TCF25: variants seen among roughly 807,000 people sequenced by gnomAD.
TCF25 encodes the protein ribosome quality control complex subunit TCF25.
In TCF25, 41 loss-of-function variants were observed where a neutral mutation model predicts 83.1. That is an observed-to-expected ratio of 0.49 (90% CI 0.38 to 0.64). The LOEUF (loss-of-function observed/expected upper bound fraction) is 0.64. Among genes scored for constraint, TCF25 ranks in the 30% least tolerant of loss-of-function variants. The pLI is 0.00. For synonymous variants in TCF25, 458 were observed against 365.0 expected, an observed-to-expected ratio of 1.25 and a Z score of -2.90; for missense variants, 979 against 914.5, an observed-to-expected ratio of 1.07 and a Z score of -0.91.
intron 11 of TCF25, among the ~76,000 whole-genome samples, chr16:89,899,114 C>G (rs774942674): frequency 6.6e-6 from 1 of 152,160 alleles, no homozygotes; most frequent in Non-Finnish European, 1.5e-5. Flanking sequence ...TACACATGCT[C>G]AAACGTGTGT....
intron 1 of TCF25, chr16:89,878,433 C>CTTTT (rs1567692443): frequency 6.5e-5 from 56 of 861,944 alleles, no homozygotes; most frequent in Non-Finnish European, 8.6e-5. Flanking sequence ...TAAAAATCAC[C>CTTTT]ATTTTTTTTT....
intron 2 of TCF25, 114 bp from the exon 3 acceptor site, chr16:89,884,468 G>A (rs936240534): frequency 7.6e-6 from 8 of 1,048,630 alleles, no homozygotes; most frequent in East Asian, 5.1e-5. Flanking sequence ...TTTGGGACAC[G>A]GAGGGAGAGG....
At chr16:89,875,885 G>C (rs1278216837) in intron 1 of TCF25, among the ~76,000 whole-genome samples, 1 of 138,634 alleles carries the variant, frequency 7.2e-6, no homozygotes. Context: ...GCCCAGGCTG[G>C]TTGCTGGTCT....
rs1319913023 is a variant in TCF25 at position 89,892,239 on chromosome 16, A to G, written c.661A>G (p.Thr221Ala). The change falls in exon 6 of 18, where the codon ACC becomes GCC. Residue 221 changes from threonine to alanine, a missense_variant. By Grantham distance (58) the Thr-to-Ala change is moderately conservative. Coordinates refer to ENST00000263346, the MANE Select transcript of TCF25 (RefSeq NM_014972.3). ...GTACCCCAAGTGCACATGGCTGACC[A>G]CCCCTAAAAGCACCTGGCCCCGCTA... ...RVYPKCTWLTTPKSTWPRYSK... is the reference protein window; with the variant it reads ...RVYPKCTWLTAPKSTWPRYSK... The G allele has an allele frequency of 1.2e-6, 2 of 1,612,906 alleles. No individual in the cohort carries two copies. Among genetic ancestry groups the G allele is most frequent in the African/African-American group, 1.3e-5 (1 of 74,946 alleles).
intron 16 of TCF25, among the ~76,000 whole-genome samples, 165 bp downstream of exon 16, chr16:89,907,487 G>GCTCCCACCTCCCTCCTCCCAC (rs1567741821): frequency 1.8e-4 from 2 of 11,204 alleles, no homozygotes; most frequent in Non-Finnish European, 3.7e-4. Flanking sequence ...CCACCTCCCA[G>GCTCCCACCTCCCTCCTCCCAC]CTCCCACCTC....
At chr16:89,881,817 T>TCTC (rs2042629336) in intron 1 of TCF25, among the ~76,000 whole-genome samples, 1 of 152,122 alleles carries the variant, frequency 6.6e-6, no homozygotes, top group Non-Finnish European at 1.5e-5. Context: ...TGCAGTGGCA[T>TCTC]AATCTTGGCT....
chr16:89,891,629 C>G (rs559920649), intron 5 of TCF25, among the ~76,000 whole-genome samples: 39 of 152,322 alleles, frequency 2.6e-4, no homozygotes, highest in African/African-American at 8.9e-4. Context: ...CTGAGCTGGG[C>G]AGGTGGGGCA....
rs2044251680 is a variant in TCF25, at chr16:89,900,692, T to G, written c.1279T>G (p.Phe427Val). The change falls in exon 12 of 18, where the codon TTC becomes GTC. Residue 427 changes from phenylalanine to valine, a missense_variant. Coordinates refer to ENST00000263346, the MANE Select transcript of TCF25 (RefSeq NM_014972.3). Reference protein sequence around the residue: ...NFAFSVPLAYFLLSQQTDLPE... With the variant: ...NFAFSVPLAYVLLSQQTDLPE... The stretch of plus-strand genomic sequence containing the variant: ...TGCCTTCTCTGTTCCACTGGCGTAT[T>G]TCCTGCTGAGCCAGCAGACAGACCT... 1.9e-6 allele frequency: 3 copies of G among 1,605,876 alleles called. No homozygotes were observed. Among genetic ancestry groups the G allele is most frequent in the Non-Finnish European group, 1.7e-6 (2 of 1,173,074 alleles).
Position 89,907,171 on chromosome 16 carries a change from G to A in TCF25, c.1720-72G>A, listed in dbSNP as rs2044863356. ...CCAGTCCATGCTGGAGTCGACAGAA[G>A]GACTCTGCTGGGAGAGGTAGAGGCC... is the stretch of plus-strand genomic sequence containing the variant. On this transcript the variant is annotated intron_variant, in intron 15 of 17. Coordinates refer to ENST00000263346, the MANE Select transcript of TCF25 (RefSeq NM_014972.3). 48 of 1,465,182 alleles carry A rather than the reference G, an allele frequency of 3.3e-5. 1 individual carries two copies. The South Asian group carries it at 5.4e-4, about 16-fold the overall frequency. 90.8% of individuals were successfully genotyped at this position (1,465,182 alleles called of 1,614,324 possible). A position where few individuals can be genotyped will look rare whatever the true frequency, so the allele number is the denominator to read the frequency against.
rs551466212 is a variant in TCF25, at chr16:89,879,107, C to T, written c.193-4244C>T. ...CAGATGGGCTTCAGAGCCTGTCACACGTGTTGTCCGTGTACACAGATGGGC... is the reference window on the plus strand; with the variant it reads ...CAGATGGGCTTCAGAGCCTGTCACATGTGTTGTCCGTGTACACAGATGGGC... On this transcript the variant is annotated intron_variant, in intron 1 of 17. Transcript: ENST00000263346. Among the ~76,000 whole-genome samples, 1,183 of 152,212 alleles carry T rather than the reference C, an allele frequency of 7.8e-3. 7 individuals carry two copies. Among genetic ancestry groups the T allele is most frequent in the Middle Eastern group, 0.014 (4 of 294 alleles).
At chr16:89,900,821 G>C (rs752547705) in intron 12 of TCF25, 27 bp downstream of exon 12, 48 of 1,541,162 alleles carry the variant, frequency 3.1e-5, no homozygotes, top group Admixed American at 2.4e-4. Flanking sequence ...TCTCGCCTGG[G>C]GTAGGGGTGT....
At chr16:89,906,959 C>G (rs908375392) in intron 15 of TCF25, among the ~76,000 whole-genome samples, 1 of 152,064 alleles carries the variant, frequency 6.6e-6, no homozygotes, top group Non-Finnish European at 1.5e-5. Flanking sequence ...CAGGCTTGAG[C>G]GGCACGTGAC....
intron 6 of TCF25, among the ~76,000 whole-genome samples, chr16:89,892,996 C>G (rs2043547735): frequency 6.6e-6 from 1 of 152,238 alleles, no homozygotes; most frequent in African/African-American, 2.4e-5. Flanking sequence ...AAGGACACAT[C>G]TAGGAGCGAG....
rs775500061 is a variant in TCF25 at position 89,883,389 on chromosome 16, C to A, written c.231C>A (p.Asn77Lys). 1 of 1,613,734 alleles carries A rather than the reference C, an allele frequency of 6.2e-7. No homozygotes were observed. The highest frequency in any genetic ancestry group is 1.3e-5 in the African/African-American group (1 of 74,824). Residue 77 changes from asparagine to lysine, a missense_variant, in exon 2 of 18, where the codon AAC (asparagine) becomes AAA (lysine). Physicochemically the swap from Asn to Lys is moderately conservative, Grantham distance 94. Coordinates refer to ENST00000263346, the MANE Select transcript of TCF25 (RefSeq NM_014972.3). ...ATCTTGAGGATGACCCTGTGGTGAA[C>A]GGGGAGAGGTCTGGCTGTGCGCTCA... ...IDDLEDDPVVNGERSGCALTD... is the reference protein window; with the variant it reads ...IDDLEDDPVVKGERSGCALTD...
At chr16:89,893,702 C>T (rs1338616376) in intron 6 of TCF25, 26 bp from the exon 7 acceptor site, 2 of 1,613,254 alleles carry the variant, frequency 1.2e-6, no homozygotes, top group Non-Finnish European at 8.5e-7. Context: ...CCCGGCACAC[C>T]CTCCCTGAGC....
chr16:89,900,337 CTCAGCT>C (rs1263928960), intron 11 of TCF25, among the ~76,000 whole-genome samples: 1 of 145,256 alleles, frequency 6.9e-6, no homozygotes, highest in Non-Finnish European at 1.6e-5. Flanking sequence ...GCACCAACTG[CTCAGCT>C]TCAGAGAGGA....
At chr16:89,904,879 C>T (rs1297537469) in intron 13 of TCF25, 59 bp from the exon 14 acceptor site, 2 of 1,562,248 alleles carry the variant, frequency 1.3e-6, no homozygotes, top group African/African-American at 1.4e-5. Context: ...GCTCTGCCAG[C>T]CTCGAGGCAG....
chr16:89,882,390 T>C (rs2042673795), intron 1 of TCF25, among the ~76,000 whole-genome samples: 1 of 151,352 alleles, frequency 6.6e-6, no homozygotes, highest in African/African-American at 2.4e-5. Flanking sequence ...TTTAAAAAAT[T>C]AGCCAGGCAT....
Position 89,904,156 on chromosome 16 carries a change from G to T in TCF25, c.1420G>T (p.Asp474Tyr). ...GCTCGAGTCTTGCAGTGTGCGGCCC[G>T]ACGCCAGCGTTTCCAGTCACCGCTT... ...PLLESCSVRP[D>Y]ASVSSHRFFG... The change falls in exon 13 of 18, where the codon GAC becomes TAC. Residue 474 changes from aspartate to tyrosine, a missense_variant. Physicochemically the swap from Asp to Tyr is radical, Grantham distance 160. Transcript: ENST00000263346. 1 of 1,605,244 alleles carries T rather than the reference G, an allele frequency of 6.2e-7. No homozygotes were observed.
Sources: gnomAD v4.1 joint callset for allele counts (sites outside exome capture counted in the v4.1 genomes callset) on GRCh38, gnomAD v4.1.1 for gene constraint, MANE v1.5 for transcripts, NCBI Gene and HGNC (gene_info 2026-07-23, HGNC 2026-07-21) for gene names.